The following PARP15 variants were observed in gnomAD, a reference collection of about 807,000 sequenced individuals.
PARP15 encodes the protein poly(ADP-ribose) polymerase family member 15, also known as protein mono-ADP-ribosyltransferase PARP15.
PARP15 carries 50 observed loss-of-function variants against 62.1 expected under a neutral mutation model. The observed-to-expected ratio is 0.81, with a 90% CI of 0.64 to 1.02. The LOEUF is 1.02. Among genes scored for constraint, PARP15 ranks in the 50% least tolerant of loss-of-function variants. The pLI is 0.00. For synonymous variants in PARP15, 309 were observed against 293.1 expected, an observed-to-expected ratio of 1.05 and a Z score of -0.55; for missense variants, 820 against 826.5, an observed-to-expected ratio of 0.99 and a Z score of 0.10.
chr3:122,615,259 A>G, intron 4 of PARP15: 3 of 1,287,556 alleles, frequency 2.3e-6, no homozygotes, highest in South Asian at 1.2e-5. Context: ...GAGGTTTTCT[A>G]ACGTGGATTT....
intron 6 of PARP15, among the ~76,000 whole-genome samples, chr3:122,619,200 T>C (rs1301909365): frequency 6.6e-6 from 1 of 152,218 alleles, no homozygotes; most frequent in East Asian, 1.9e-4. Context: ...GAGGAACTTA[T>C]TAGTCACATA....
At chr3:122,589,888 CTTTTT>C (rs34826853) in intron 1 of PARP15, among the ~76,000 whole-genome samples, 7 of 102,054 alleles carry the variant, frequency 6.9e-5, no homozygotes, top group Admixed American at 1.1e-4. Flanking sequence ...TAAGGCATAA[CTTTTT>C]TTTTTTTTTT....
intron 1 of PARP15, among the ~76,000 whole-genome samples, chr3:122,597,503 C>A (rs2107497089): frequency 6.6e-6 from 1 of 152,298 alleles, no homozygotes; most frequent in South Asian, 2.1e-4. Flanking sequence ...CGCAGGTGAT[C>A]TGCCCGCCTT....
chr3:122,617,250 C>T, intron 6 of PARP15, 86 bp downstream of exon 6: 1 of 1,368,406 alleles, frequency 7.3e-7, no homozygotes, highest in Non-Finnish European at 1.0e-6. Context: ...CCTGAGTGGA[C>T]AGAGAGTGTT....
Position 122,635,003 on chromosome 3 carries a change from T to G in PARP15, c.1573-17T>G. 6.2e-7 allele frequency: 1 copy of G among 1,612,924 alleles called. No homozygotes were observed. The highest frequency in any genetic ancestry group is 8.5e-7 in the Non-Finnish European group (1 of 1,179,618). On this transcript the variant is annotated splice_polypyrimidine_tract_variant and intron_variant, in intron 10 of 11. Coordinates refer to ENST00000464300, the MANE Select transcript of PARP15 (RefSeq NM_001113523.3). ...CCAAGGTCCTTTCTGAAATATTTTG[T>G]CTTTTGTTACCTGCAGATTGAGAGG...
At chr3:122,586,701 T>C (rs554731225) in intron 1 of PARP15, among the ~76,000 whole-genome samples, 3 of 152,208 alleles carry the variant, frequency 2.0e-5, no homozygotes, top group Admixed American at 1.3e-4. Flanking sequence ...ACAGAGTTCC[T>C]ATATACCCCT....
At chr3:122,620,699 G>A (rs1211540877) in intron 7 of PARP15, among the ~76,000 whole-genome samples, 3 of 146,566 alleles carry the variant, frequency 2.0e-5, no homozygotes, top group Non-Finnish European at 4.5e-5. Context: ...GGCTGGACAA[G>A]CTGGAAAAGC....
chr3:122,621,583 A>G lies in PARP15; in HGVS notation c.1203A>G (p.Thr401=), dbSNP rs772169717. 4 of 1,601,928 alleles carry G rather than the reference A, an allele frequency of 2.5e-6. No homozygotes were observed. The highest frequency in any genetic ancestry group is 1.3e-5 in the African/African-American group (1 of 74,282). Residue 401 remains threonine, a synonymous_variant, in exon 8 of 12, where the codon ACA becomes ACG. Transcript: ENST00000464300. The part of the protein sequence containing the change: ...VLEECEQRKY[T]SVSLPAIGTG... ...AAGAGTGTGAACAGAGGAAGTACAC[A>G]TCGGTTTCCCTTCCAGCCATTGGAA...
At chr3:122,589,397 T>C (rs1933695092) in intron 1 of PARP15, among the ~76,000 whole-genome samples, 1 of 152,230 alleles carries the variant, frequency 6.6e-6, no homozygotes, top group South Asian at 2.1e-4. Flanking sequence ...ATAGTATTTT[T>C]GTAGAGGTTA....
intron 1 of PARP15, among the ~76,000 whole-genome samples, chr3:122,580,980 A>G (rs1377523055): frequency 1.3e-5 from 2 of 152,138 alleles, no homozygotes; most frequent in East Asian, 1.9e-4. Flanking sequence ...TTGTGTTACC[A>G]TTGCCTGTAG....
At chr3:122,611,039 C>A (rs1935530387) in intron 3 of PARP15, among the ~76,000 whole-genome samples, 1 of 152,126 alleles carries the variant, frequency 6.6e-6, no homozygotes. Context: ...CCAGTTATTT[C>A]CAAGTAATTG....
intron 11 of PARP15, 28 bp from the exon 12 acceptor site, chr3:122,635,783 A>G (rs1340420374): frequency 1.9e-6 from 3 of 1,590,492 alleles, no homozygotes; most frequent in Non-Finnish European, 2.6e-6. Flanking sequence ...TTATATTCTT[A>G]GGAAGGTTTT....
intron 7 of PARP15, 79 bp from the exon 8 acceptor site, chr3:122,621,365 G>C: frequency 6.8e-7 from 1 of 1,467,796 alleles, no homozygotes; most frequent in Non-Finnish European, 9.2e-7. Context: ...GATGTCAGCT[G>C]TTTTCATTTC....
intron 8 of PARP15, among the ~76,000 whole-genome samples, chr3:122,621,950 C>G (rs1936379670): frequency 6.6e-6 from 1 of 152,192 alleles, no homozygotes; most frequent in Non-Finnish European, 1.5e-5. Context: ...AGGTGTGTAC[C>G]ACCATGCCTG....
intron 1 of PARP15, among the ~76,000 whole-genome samples, chr3:122,590,305 C>G (rs1159080383): frequency 6.6e-6 from 1 of 151,718 alleles, no homozygotes; most frequent in Admixed American, 6.6e-5. Context: ...TGGGGTCTCG[C>G]TCTGTTGCCC....
intron 1 of PARP15, chr3:122,594,997 T>G: frequency 2.1e-6 from 1 of 476,236 alleles, no homozygotes; most frequent in Non-Finnish European, 2.7e-6. Flanking sequence ...TTAATTTCTC[T>G]TCCTTCTTGA....
intron 1 of PARP15, among the ~76,000 whole-genome samples, chr3:122,593,122 A>ATCTATC (rs1316172953): frequency 1.3e-5 from 2 of 149,800 alleles, no homozygotes; most frequent in Admixed American, 1.4e-4. Context: ...CTATCTATCT[A>ATCTATC]TGTATCTATC....
chr3:122,587,898 A>G (rs1378630755), intron 1 of PARP15, among the ~76,000 whole-genome samples: 1 of 152,200 alleles, frequency 6.6e-6, no homozygotes, highest in Non-Finnish European at 1.5e-5. Flanking sequence ...CTGTCTGTAT[A>G]TCCTCCTTGG....
chr3:122,616,895 C>T (rs560978101), intron 5 of PARP15, 120 bp from the exon 6 acceptor site: 54 of 1,095,618 alleles, frequency 4.9e-5, no homozygotes, highest in East Asian at 1.7e-4. Context: ...GGCAATATTT[C>T]GGTTTATGTT....
Sources: gnomAD v4.1 joint callset for allele counts (sites outside exome capture counted in the v4.1 genomes callset) on GRCh38, gnomAD v4.1.1 for gene constraint, MANE v1.5 for transcripts, NCBI Gene and HGNC (gene_info 2026-07-23, HGNC 2026-07-21) for gene names.